FGF12: variants seen among roughly 807,000 people sequenced by gnomAD.
FGF12 encodes fibroblast growth factor 12B.
In FGF12, 14 loss-of-function variants were observed where a neutral mutation model predicts 23.6. The ratio of observed to expected loss-of-function variants is 0.59; its 90% CI spans 0.39 to 0.93. The LOEUF (loss-of-function observed/expected upper bound fraction) is 0.93. FGF12 is among the 40% of genes least tolerant of loss of function. The probability of loss-of-function intolerance (pLI) is 0.00; values close to 1 mark genes in which losing one functional copy is unlikely to be tolerated. For synonymous variants in FGF12, 62 were observed against 77.3 expected (o/e 0.80, Z 1.04); for missense variants, 175 against 217.8 (o/e 0.80, Z 1.24).
chr3:192,260,579 C>T (rs1013408705), intron 4 of FGF12, among the ~76,000 whole-genome samples: 5 of 152,166 alleles, frequency 3.3e-5, no homozygotes, highest in African/African-American at 9.6e-5. Context: ...TGTGGGAGAA[C>T]ATATTCCATT....
chr3:192,235,931 C>T (rs1240629824), intron 4 of FGF12, among the ~76,000 whole-genome samples: 3 of 152,084 alleles, frequency 2.0e-5, no homozygotes, highest in Non-Finnish European at 4.4e-5. Context: ...GTGTTTCTAA[C>T]TCCTCTAGTT....
At chr3:192,345,860 G>C (rs546399503) in intron 3 of FGF12, among the ~76,000 whole-genome samples, 1 of 152,202 alleles carries the variant, frequency 6.6e-6, no homozygotes, top group East Asian at 1.9e-4. Flanking sequence ...GTTTTTCTTA[G>C]ATAAAATTAC....
At chr3:192,494,092 T>C (rs1723880253) in intron 2 of FGF12, among the ~76,000 whole-genome samples, 1 of 152,206 alleles carries the variant, frequency 6.6e-6, no homozygotes, top group Non-Finnish European at 1.5e-5. Flanking sequence ...AAATACTTTC[T>C]ACTATTTAGC....
chr3:192,596,262 GA>G (rs1054048939), intron 2 of FGF12, among the ~76,000 whole-genome samples: 5 of 151,724 alleles, frequency 3.3e-5, no homozygotes, highest in Middle Eastern at 3.4e-3. Flanking sequence ...TAAATTTATT[GA>G]AACGTCAAGA....
intron 2 of FGF12, among the ~76,000 whole-genome samples, chr3:192,474,438 C>T (rs1723259721): frequency 6.6e-6 from 1 of 152,178 alleles, no homozygotes; most frequent in South Asian, 2.1e-4. Flanking sequence ...ACCTCATTTT[C>T]TCTGTCACAG....
intron 2 of FGF12, among the ~76,000 whole-genome samples, chr3:192,488,248 T>C (rs1723696132): frequency 6.6e-6 from 1 of 152,118 alleles, no homozygotes; most frequent in African/African-American, 2.4e-5. Flanking sequence ...AACATACCAA[T>C]AGATACAATA....
At chr3:192,657,390 A>C (rs1372430843) in intron 2 of FGF12, among the ~76,000 whole-genome samples, 3 of 149,852 alleles carry the variant, frequency 2.0e-5, no homozygotes, top group Non-Finnish European at 4.4e-5. Context: ...GCAGAGTTGG[A>C]ACTGCCTCTT....
intron 2 of FGF12, among the ~76,000 whole-genome samples, chr3:192,608,151 G>A (rs185729436): frequency 6.6e-6 from 1 of 152,264 alleles, no homozygotes; most frequent in East Asian, 1.9e-4. Context: ...AGTTGGGAAG[G>A]GTGGTGGGGG....
At chr3:192,718,161 CTTTTTT>C (rs71177369) in intron 2 of FGF12, among the ~76,000 whole-genome samples, 6 of 77,970 alleles carry the variant, frequency 7.7e-5, no homozygotes, top group African/African-American at 2.4e-4. Flanking sequence ...GTTAGTCTTT[CTTTTTT>C]TTTTTTTTTT....
chr3:192,223,688 G>T (rs1424277794), intron 4 of FGF12, among the ~76,000 whole-genome samples: 2 of 152,090 alleles, frequency 1.3e-5, no homozygotes, highest in Non-Finnish European at 2.9e-5. Flanking sequence ...TCTATTACAG[G>T]TATATGCAGA....
At chr3:192,681,125 T>A (rs949854565) in intron 2 of FGF12, among the ~76,000 whole-genome samples, 2 of 152,282 alleles carry the variant, frequency 1.3e-5, no homozygotes, top group South Asian at 2.1e-4. Flanking sequence ...GAGCACAGAA[T>A]TAATGTCTTC....
At chr3:192,685,066 T>C (rs1024457995) in intron 2 of FGF12, among the ~76,000 whole-genome samples, 1 of 152,182 alleles carries the variant, frequency 6.6e-6, no homozygotes, top group African/African-American at 2.4e-5. Flanking sequence ...TATCTTTTTT[T>C]TTTGAGACAG....
intron 2 of FGF12, among the ~76,000 whole-genome samples, chr3:192,600,088 T>A (rs1345450529): frequency 1.3e-5 from 2 of 152,128 alleles, no homozygotes; most frequent in Non-Finnish European, 2.9e-5. Flanking sequence ...AGGGACCTAG[T>A]TCCATTCTTC....
chr3:192,383,967 G>A (rs575502935), intron 2 of FGF12, among the ~76,000 whole-genome samples: 41 of 152,264 alleles, frequency 2.7e-4, no homozygotes, highest in African/African-American at 9.6e-4. Flanking sequence ...ACTCAGCCTT[G>A]GATCTCTAAA....
intron 5 of FGF12, among the ~76,000 whole-genome samples, chr3:192,146,443 G>GTAT (rs1215895554): frequency 6.6e-6 from 1 of 151,804 alleles, no homozygotes; most frequent in African/African-American, 2.4e-5. Flanking sequence ...GCTAATTTTT[G>GTAT]TATTTTTAGC....
chr3:192,726,548 A>G (rs993427538), intron 2 of FGF12, among the ~76,000 whole-genome samples: 2 of 152,188 alleles, frequency 1.3e-5, no homozygotes, highest in Admixed American at 6.5e-5. Context: ...TATGAGGAGA[A>G]CATTAATATG....
intron 2 of FGF12, among the ~76,000 whole-genome samples, chr3:192,592,204 T>C (rs1010226429): frequency 1.3e-5 from 2 of 151,896 alleles, no homozygotes; most frequent in South Asian, 4.2e-4. Flanking sequence ...ATCAGTATTG[T>C]CTTGTTGATG....
At chr3:192,176,605 T>TA (rs1271559669) in intron 4 of FGF12, among the ~76,000 whole-genome samples, 2 of 152,238 alleles carry the variant, frequency 1.3e-5, no homozygotes, top group South Asian at 2.1e-4. Context: ...TTAATTTTGT[T>TA]AAAAATCTCT....
chr3:192,653,811 T>C (rs764060717), intron 2 of FGF12, among the ~76,000 whole-genome samples: 22 of 149,808 alleles, frequency 1.5e-4, no homozygotes, highest in Admixed American at 2.7e-4. Flanking sequence ...GCCTCCCCAG[T>C]TCAAGTGATT....
Sources: allele counts gnomAD v4.1 joint callset (sites outside exome capture counted in the v4.1 genomes callset), GRCh38; gene constraint gnomAD v4.1.1; transcripts MANE v1.5; gene names NCBI Gene and HGNC (gene_info 2026-07-23, HGNC 2026-07-21).